Variants in MAN2A1 observed in about 807,000 individuals in gnomAD.
The protein encoded by MAN2A1 is alpha-mannosidase 2.
Under a neutral mutation model 142.6 loss-of-function variants are expected in MAN2A1, and 76 were observed. The ratio of observed to expected loss-of-function variants is 0.53; its 90% CI spans 0.44 to 0.65. The LOEUF (loss-of-function observed/expected upper bound fraction) is 0.65, where lower values mean the gene tolerates loss of function less well. Among genes scored for constraint, MAN2A1 ranks in the 30% least tolerant of loss-of-function variants. MAN2A1 has a pLI of 0.00. For synonymous variants in MAN2A1, 559 were observed against 473.2 expected, an observed-to-expected ratio of 1.18 and a Z score of -2.35; for missense variants, 1,311 against 1,365.1, an observed-to-expected ratio of 0.96 and a Z score of 0.62.
chr5:109,774,948 T>A lies in MAN2A1; in HGVS notation c.1357T>A (p.Ser453Thr). 1 of 1,604,262 alleles carries A rather than the reference T, an allele frequency of 6.2e-7. No homozygotes were observed. The highest frequency in any genetic ancestry group is 8.5e-7 in the Non-Finnish European group (1 of 1,174,664). Reference protein sequence around the residue: ...QQLFDYMNSQSKFKVKIQFGT... With the variant: ...QQLFDYMNSQTKFKVKIQFGT... ...GCTTTTTGATTATATGAATTCTCAG[T>A]CCAAGTTTAAAGTTAAGGTAAGGAG... Residue 453 changes from serine (S) to threonine (T), a missense_variant, in exon 8 of 22, where the codon TCC (serine) becomes ACC (threonine). Ser to Thr is a moderately conservative substitution (Grantham distance 58, BLOSUM62 1). Around this residue, in one of 3 missense-constraint regions of MAN2A1, gnomAD observed 890 missense variants for 920.5 expected, o/e 0.97. Coordinates refer to ENST00000261483, the MANE Select transcript of MAN2A1 (RefSeq NM_002372.4).
intron 12 of MAN2A1, among the ~76,000 whole-genome samples, chr5:109,802,031 T>G (rs1375469262): frequency 2.0e-5 from 3 of 152,182 alleles, no homozygotes; most frequent in Non-Finnish European, 2.9e-5. Flanking sequence ...ATTCATTCAT[T>G]CAGTGACAAA....
chr5:109,834,409 T>A (rs1294830654), intron 16 of MAN2A1, among the ~76,000 whole-genome samples: 1 of 149,346 alleles, frequency 6.7e-6, no homozygotes, highest in Non-Finnish European at 1.5e-5. Flanking sequence ...CAAAAAATTC[T>A]GTTGTTTCAT....
At chr5:109,780,282 A>G (rs1753420104) in intron 8 of MAN2A1, among the ~76,000 whole-genome samples, 2 of 152,014 alleles carry the variant, frequency 1.3e-5, no homozygotes, top group Admixed American at 1.3e-4. Context: ...GATGGTCTCC[A>G]TCTCCTGACC....
chr5:109,826,669 C>G (rs961293640), intron 16 of MAN2A1, among the ~76,000 whole-genome samples: 3 of 152,190 alleles, frequency 2.0e-5, no homozygotes, highest in African/African-American at 7.2e-5. Flanking sequence ...TCAATCCTGG[C>G]TGATTGTGGT....
At position 109,767,615 on chromosome 5, in the gene MAN2A1, C is replaced by G. The variant is rs199648907; in HGVS notation, c.916C>G (p.Leu306Val). 27 of 1,613,634 alleles carry G rather than the reference C, an allele frequency of 1.7e-5. No homozygotes were observed. The highest frequency in any genetic ancestry group is 2.2e-5 in the Non-Finnish European group (26 of 1,179,728). ...GGCTTATCTTCTAAACCGTGCTGGA[C>G]TTTCTCACATGCTTATCCAGAGAGT... ...TMAYLLNRAG[L>V]SHMLIQRVHY... The change falls in exon 6 of 22, where the codon CTT (leucine) becomes GTT (valine). Residue 306 changes from leucine (L) to valine (V), a missense_variant. Physicochemically the swap from Leu to Val is conservative, Grantham distance 32. Around this residue, in one of 3 missense-constraint regions of MAN2A1, gnomAD observed 409 missense variants for 412.7 expected, o/e 0.99. Coordinates refer to ENST00000261483, the MANE Select transcript of MAN2A1 (RefSeq NM_002372.4).
At chr5:109,722,230 G>T (rs2112573634) in intron 3 of MAN2A1, among the ~76,000 whole-genome samples, 1 of 152,130 alleles carries the variant, frequency 6.6e-6, no homozygotes. Context: ...CAGCTATCTT[G>T]CAAAAGTGGA....
chr5:109,811,308 C>T (rs1253208376), intron 12 of MAN2A1, among the ~76,000 whole-genome samples: 1 of 151,998 alleles, frequency 6.6e-6, no homozygotes, highest in Non-Finnish European at 1.5e-5. Context: ...GATCATTTTC[C>T]TTCCCTCACC....
chr5:109,855,209 C>A lies in MAN2A1; in HGVS notation c.3046C>A (p.Pro1016Thr). The A allele has an allele frequency of 6.2e-7, 1 of 1,607,270 alleles. No homozygotes were observed. The highest frequency in any genetic ancestry group is 8.5e-7 in the Non-Finnish European group (1 of 1,177,776). The part of the protein sequence containing the change: ...SHITSSLMNH[P>T]VIPMANKFSS... ...CATAACTTCTTCTCTCATGAATCAT[C>A]CAGTCATTCCAATGGCAAATAAGTT... is the stretch of plus-strand genomic sequence containing the variant. The change falls in exon 20 of 22, where the codon CCA (proline) becomes ACA (threonine). Residue 1016 changes from proline (P) to threonine (T), a missense_variant. Pro to Thr is a conservative substitution (Grantham distance 38, BLOSUM62 -1). Transcript: ENST00000261483.
chr5:109,747,288 T>C (rs891102530), intron 4 of MAN2A1, among the ~76,000 whole-genome samples: 41 of 152,264 alleles, frequency 2.7e-4, no homozygotes, highest in Middle Eastern at 3.4e-3. Context: ...AATATGAGCA[T>C]GATAAGCATT....
intron 4 of MAN2A1, among the ~76,000 whole-genome samples, chr5:109,746,492 A>C (rs533573652): frequency 1.7e-4 from 26 of 151,562 alleles, no homozygotes; most frequent in Middle Eastern, 3.5e-3. Flanking sequence ...TTATGGATGT[A>C]TGGGAAAACA....
At chr5:109,821,389 C>A (rs1465913336) in intron 15 of MAN2A1, among the ~76,000 whole-genome samples, 1 of 152,062 alleles carries the variant, frequency 6.6e-6, no homozygotes, top group East Asian at 1.9e-4. Flanking sequence ...TTGTAGCATT[C>A]AAAAAGAATG....
chr5:109,814,656 G>A (rs537527871), intron 12 of MAN2A1, among the ~76,000 whole-genome samples: 3 of 152,200 alleles, frequency 2.0e-5, no homozygotes, highest in East Asian at 1.9e-4. Context: ...CATCGTTATG[G>A]TCAAATACTA....
At chr5:109,692,224 T>G (rs1420213386) in intron 1 of MAN2A1, among the ~76,000 whole-genome samples, 2 of 152,292 alleles carry the variant, frequency 1.3e-5, no homozygotes, top group East Asian at 3.9e-4. Context: ...TATTGTAATA[T>G]CTATCCTTAG....
At chr5:109,782,353 A>G (rs185730778) in intron 9 of MAN2A1, among the ~76,000 whole-genome samples, 4 of 152,318 alleles carry the variant, frequency 2.6e-5, no homozygotes, top group African/African-American at 9.6e-5. Flanking sequence ...ACATGTGACT[A>G]TTGAGCACTT....
intron 4 of MAN2A1, among the ~76,000 whole-genome samples, chr5:109,738,295 A>G (rs374277104): frequency 9.4e-5 from 13 of 138,054 alleles, no homozygotes; most frequent in African/African-American, 3.3e-4. Flanking sequence ...TAGCTCATTC[A>G]TTCATTCAAC....
At chr5:109,716,071 TTAAA>T in intron 2 of MAN2A1, 45 bp from the exon 3 acceptor site, 1 of 1,313,630 alleles carries the variant, frequency 7.6e-7, no homozygotes, top group South Asian at 1.3e-5. Context: ...TTTACCAACA[TTAAA>T]TTAATAATTG....
Position 109,713,686 on chromosome 5 carries a change from A to G in MAN2A1, c.302A>G (p.His101Arg), listed in dbSNP as rs1290771281. 7 of 1,614,216 alleles carry G rather than the reference A, an allele frequency of 4.3e-6. No homozygotes were observed. The South Asian group carries it at 4.4e-5, about 10-fold the overall frequency. Residue 101 changes from histidine (H) to arginine (R), a missense_variant, in exon 2 of 22, where the codon CAT (histidine) becomes CGT (arginine). Physicochemically the swap from His to Arg is conservative, Grantham distance 29 (BLOSUM62 0). This residue lies in a region of MAN2A1 where 409 missense variants were observed against 412.7 expected (regional missense o/e 0.99). Transcript: ENST00000261483. Reference sequence around the variant, plus strand: ...AATTTCAGCCAAGGTGCTGGCTCACATCTTCTGCCCTCACAATTATCCCTC... The same window carrying G: ...AATTTCAGCCAAGGTGCTGGCTCACGTCTTCTGCCCTCACAATTATCCCTC... ...QSNFSQGAGSHLLPSQLSLSV... is the reference protein window; with the variant it reads ...QSNFSQGAGSRLLPSQLSLSV...
Position 109,748,047 on chromosome 5 carries a change from A to G in MAN2A1, c.708-7282A>G, listed in dbSNP as rs149248305. Reference sequence around the variant, plus strand: ...GTTATGTGAATGGGACTTGTTATTTAACTACTCCCGATTTTCTGGCCTCTT... The same window carrying G: ...GTTATGTGAATGGGACTTGTTATTTGACTACTCCCGATTTTCTGGCCTCTT... On this transcript the variant is annotated intron_variant, in intron 4 of 21. Transcript: ENST00000261483. 2.4e-3 allele frequency among the ~76,000 whole-genome samples: 367 copies of G among 152,294 alleles called. 1 individual carries two copies. The highest frequency in any genetic ancestry group is 8.4e-3 in the African/African-American group (350 of 41,566).
At chr5:109,841,910 C>G (rs1580308324) in intron 16 of MAN2A1, among the ~76,000 whole-genome samples, 1 of 152,162 alleles carries the variant, frequency 6.6e-6, no homozygotes, top group Admixed American at 6.5e-5. Flanking sequence ...CTCATAATTT[C>G]TGGTCTATAA....
Sources: gnomAD v4.1 joint callset for allele counts (sites outside exome capture counted in the v4.1 genomes callset) on GRCh38, gnomAD v4.1.1 for gene constraint, gnomAD v4.1.1 regional missense constraint, MANE v1.5 for transcripts, NCBI Gene and HGNC (gene_info 2026-07-23, HGNC 2026-07-21) for gene names.